Variants in CDKAL1 observed in about 807,000 individuals in gnomAD.
The protein encoded by CDKAL1 is threonylcarbamoyladenosine tRNA methylthiotransferase.
In CDKAL1, 32 loss-of-function variants were observed where a neutral mutation model predicts 68.2. The ratio of observed to expected loss-of-function variants is 0.47; its 90% CI spans 0.35 to 0.63. CDKAL1 has a LOEUF of 0.63. Among genes scored for constraint, CDKAL1 ranks in the 30% least tolerant of loss-of-function variants. The pLI, the probability that CDKAL1 is intolerant of heterozygous loss-of-function variation, is 0.00. For synonymous variants in CDKAL1, 234 were observed against 244.3 expected (o/e 0.96, Z 0.39); for missense variants, 606 against 696.7 (o/e 0.87, Z 1.47).
intron 9 of CDKAL1, among the ~76,000 whole-genome samples, chr6:20,933,951 G>T (rs573643465): frequency 6.6e-6 from 1 of 150,718 alleles, no homozygotes; most frequent in Non-Finnish European, 1.5e-5. Context: ...ATAGTAAAAG[G>T]TTATGTTATT....
At chr6:21,212,560 C>T (rs1779192670) in intron 15 of CDKAL1, among the ~76,000 whole-genome samples, 1 of 152,116 alleles carries the variant, frequency 6.6e-6, no homozygotes. Flanking sequence ...GACAGCCTAT[C>T]TCTCCTATGA....
intron 5 of CDKAL1, among the ~76,000 whole-genome samples, chr6:20,650,951 C>T (rs529469131): frequency 2.7e-4 from 41 of 152,286 alleles, no homozygotes; most frequent in Middle Eastern, 3.4e-3. Flanking sequence ...GTTTTGGTTA[C>T]TGTAGCCTTG....
chr6:20,960,253 A>T (rs9918311), intron 10 of CDKAL1, among the ~76,000 whole-genome samples: 107 of 152,240 alleles, frequency 7.0e-4, no homozygotes, highest in African/African-American at 2.5e-3. Flanking sequence ...CTTAGCTGGG[A>T]CTACAAACAT....
intron 15 of CDKAL1, among the ~76,000 whole-genome samples, chr6:21,206,344 A>G (rs1290088528): frequency 1.3e-5 from 2 of 152,226 alleles, no homozygotes; most frequent in Admixed American, 1.3e-4. Flanking sequence ...TAAAAATGGC[A>G]TTAGAGATCT....
intron 4 of CDKAL1, among the ~76,000 whole-genome samples, chr6:20,601,471 A>G (rs1007072043): frequency 2.0e-5 from 3 of 152,166 alleles, no homozygotes; most frequent in African/African-American, 7.2e-5. Context: ...TAGTGATTAA[A>G]GTTTTGAATT....
intron 9 of CDKAL1, among the ~76,000 whole-genome samples, chr6:20,913,941 T>C (rs879339026): frequency 6.6e-6 from 1 of 152,066 alleles, no homozygotes; most frequent in Non-Finnish European, 1.5e-5. Flanking sequence ...CATTGAGCTA[T>C]GATTGTGCCA....
intron 13 of CDKAL1, among the ~76,000 whole-genome samples, chr6:21,167,424 TG>T (rs1283698767): frequency 1.3e-5 from 2 of 152,190 alleles, no homozygotes; most frequent in African/African-American, 4.8e-5. Flanking sequence ...TTAATTAGCC[TG>T]GAACCAAAGA....
chr6:21,216,131 T>G (rs1779333420), intron 15 of CDKAL1, among the ~76,000 whole-genome samples: 1 of 152,184 alleles, frequency 6.6e-6, no homozygotes, highest in Non-Finnish European at 1.5e-5. Context: ...CACATCACAC[T>G]TGATTTCAGT....
At chr6:21,016,737 C>T (rs1413611696) in intron 11 of CDKAL1, among the ~76,000 whole-genome samples, 1 of 152,054 alleles carries the variant, frequency 6.6e-6, no homozygotes, top group African/African-American at 2.4e-5. Context: ...TGGACTTCCT[C>T]CTTACCTTCT....
chr6:20,843,025 G>A (rs1377226470), intron 8 of CDKAL1, among the ~76,000 whole-genome samples: 2 of 151,874 alleles, frequency 1.3e-5, no homozygotes, highest in Non-Finnish European at 2.9e-5. Context: ...GTGATTTTCC[G>A]TGGGGAATAC....
intron 9 of CDKAL1, among the ~76,000 whole-genome samples, chr6:20,880,056 T>A (rs1359313239): frequency 6.6e-6 from 1 of 152,160 alleles, no homozygotes; most frequent in Non-Finnish European, 1.5e-5. Flanking sequence ...TATGAACAAA[T>A]TCTGTGTCTT....
chr6:21,094,915 A>C (rs73735629), intron 12 of CDKAL1, among the ~76,000 whole-genome samples: 1,558 of 152,340 alleles, frequency 0.01, 22 homozygotes, highest in African/African-American at 0.035. Flanking sequence ...AAATTATCAC[A>C]ATCAGGTAGT....
chr6:20,948,660 A>G (rs146173869), intron 9 of CDKAL1, among the ~76,000 whole-genome samples: 50 of 152,258 alleles, frequency 3.3e-4, no homozygotes, highest in African/African-American at 1.1e-3. Flanking sequence ...GTGATTTTTA[A>G]AGATAGAATT....
At chr6:20,673,610 C>A (rs996752852) in intron 5 of CDKAL1, among the ~76,000 whole-genome samples, 5 of 152,132 alleles carry the variant, frequency 3.3e-5, no homozygotes, top group Non-Finnish European at 5.9e-5. Flanking sequence ...CCCATAATTC[C>A]CATGTGTTGT....
chr6:20,657,684 A>T (rs909061382), intron 5 of CDKAL1, among the ~76,000 whole-genome samples: 1 of 152,092 alleles, frequency 6.6e-6, no homozygotes, highest in Admixed American at 6.6e-5. Flanking sequence ...TTATGGACTG[A>T]ATTATTTTGT....
intron 11 of CDKAL1, among the ~76,000 whole-genome samples, chr6:21,046,017 T>G (rs1186465737): frequency 6.6e-6 from 1 of 152,208 alleles, no homozygotes; most frequent in Non-Finnish European, 1.5e-5. Flanking sequence ...ACTCTGCTGC[T>G]TATTGTTGTG....
At chr6:21,184,146 C>T (rs567768997) in intron 13 of CDKAL1, among the ~76,000 whole-genome samples, 38 of 151,306 alleles carry the variant, frequency 2.5e-4, no homozygotes, top group Middle Eastern at 3.5e-3. Flanking sequence ...TGACAGATAA[C>T]AGGCCCTAAA....
At chr6:20,860,811 A>T (rs538319564) in intron 9 of CDKAL1, among the ~76,000 whole-genome samples, 52 of 152,056 alleles carry the variant, frequency 3.4e-4, no homozygotes, top group Middle Eastern at 3.4e-3. Flanking sequence ...CAACAGAGCG[A>T]GACTCCATCT....
chr6:20,980,240 G>T (rs4712577), intron 10 of CDKAL1, among the ~76,000 whole-genome samples: 2 of 140,214 alleles, frequency 1.4e-5, no homozygotes, highest in East Asian at 2.2e-4. Context: ...TAGATATATA[G>T]ATATAGATTT....
Sources: allele counts gnomAD v4.1 joint callset (sites outside exome capture counted in the v4.1 genomes callset), GRCh38; gene constraint gnomAD v4.1.1; transcripts MANE v1.5; gene names NCBI Gene and HGNC (gene_info 2026-07-23, HGNC 2026-07-21).